The following MAGI1 variants were observed in gnomAD, a reference collection of about 807,000 sequenced individuals.
MAGI1 encodes the protein membrane-associated guanylate kinase, WW and PDZ domain-containing protein 1.
In MAGI1, 58 loss-of-function variants were observed where a neutral mutation model predicts 139.9. The observed-to-expected ratio is 0.41, with a 90% CI of 0.34 to 0.52. The LOEUF is 0.52. Among genes scored for constraint, MAGI1 ranks in the 20% least tolerant of loss-of-function variants. The pLI, the probability that MAGI1 is intolerant of heterozygous loss-of-function variation, is 0.12. For missense variants in MAGI1, 1,874 were observed against 1,901.6 expected, an observed-to-expected ratio of 0.99 and a Z score of 0.27; for synonymous variants, 812 against 737.9, an observed-to-expected ratio of 1.10 and a Z score of -1.63.
chr3:65,824,508 G>C (rs766844987), intron 1 of MAGI1, among the ~76,000 whole-genome samples: 4 of 152,202 alleles, frequency 2.6e-5, no homozygotes, highest in Non-Finnish European at 5.9e-5. Context: ...AACGGTGCTG[G>C]AGACCTTAAG....
At chr3:65,819,814 T>C (rs1034594377) in intron 1 of MAGI1, among the ~76,000 whole-genome samples, 1 of 129,698 alleles carries the variant, frequency 7.7e-6, no homozygotes, top group Non-Finnish European at 1.6e-5. Flanking sequence ...GAGGCAGAGG[T>C]TGTAGTGAGC....
At chr3:65,695,921 ACTTTC>A (rs2089143189) in intron 1 of MAGI1, among the ~76,000 whole-genome samples, 1 of 152,120 alleles carries the variant, frequency 6.6e-6, no homozygotes, top group Non-Finnish European at 1.5e-5. Context: ...CACCTAAGAT[ACTTTC>A]CTTGTTGCTA....
At chr3:65,427,123 G>A (rs1444188830) in intron 12 of MAGI1, among the ~76,000 whole-genome samples, 1 of 152,138 alleles carries the variant, frequency 6.6e-6, no homozygotes, top group African/African-American at 2.4e-5. Flanking sequence ...AGACCAGCAT[G>A]GGTAACATGG....
At chr3:65,975,070 G>A (rs2107216702) in intron 1 of MAGI1, among the ~76,000 whole-genome samples, 2 of 135,374 alleles carry the variant, frequency 1.5e-5, no homozygotes, top group South Asian at 5.1e-4. Context: ...ATGTTGCAAA[G>A]ATTAAAAGGG....
intron 2 of MAGI1, chr3:65,549,429 C>T: frequency 5.1e-6 from 5 of 985,338 alleles, no homozygotes; most frequent in Non-Finnish European, 6.0e-6. Flanking sequence ...GGAGCGGCCC[C>T]GGAGTTCGCC....
At chr3:65,530,640 T>C (rs1395038485) in intron 2 of MAGI1, among the ~76,000 whole-genome samples, 1 of 129,648 alleles carries the variant, frequency 7.7e-6, no homozygotes. Context: ...TGTGTGTGTG[T>C]GTGTGTGTGT....
chr3:65,826,017 TTA>T (rs552161195), intron 1 of MAGI1, among the ~76,000 whole-genome samples: 39 of 151,504 alleles, frequency 2.6e-4, no homozygotes, highest in South Asian at 1.5e-3. Flanking sequence ...TTTTTGAATT[TTA>T]TATATATATA....
intron 9 of MAGI1, among the ~76,000 whole-genome samples, chr3:65,438,978 A>G (rs1948044476): frequency 6.6e-6 from 1 of 152,200 alleles, no homozygotes; most frequent in Admixed American, 6.5e-5. Flanking sequence ...TATGGTTTAC[A>G]TTTGTTATAT....
chr3:65,784,636 C>A (rs561654165), intron 1 of MAGI1, among the ~76,000 whole-genome samples: 3 of 151,874 alleles, frequency 2.0e-5, no homozygotes, highest in Non-Finnish European at 4.4e-5. Context: ...ACCAAGAAGG[C>A]GGAGCTTGCA....
intron 1 of MAGI1, among the ~76,000 whole-genome samples, chr3:65,694,185 T>C (rs910949805): frequency 4.6e-5 from 7 of 152,214 alleles, no homozygotes; most frequent in African/African-American, 1.7e-4. Context: ...TCAGACTTCC[T>C]ACATTCTGTA....
At chr3:65,703,064 C>T (rs1054225847) in intron 1 of MAGI1, among the ~76,000 whole-genome samples, 1 of 152,086 alleles carries the variant, frequency 6.6e-6, no homozygotes, top group East Asian at 1.9e-4. Flanking sequence ...CCACCCTCCA[C>T]GTTCAGGAGC....
intron 1 of MAGI1, among the ~76,000 whole-genome samples, chr3:65,992,449 C>G (rs969786066): frequency 1.7e-5 from 1 of 59,068 alleles, no homozygotes; most frequent in Non-Finnish European, 3.9e-5. Context: ...AAAACCTGAG[C>G]AAAAAACAGT....
At chr3:65,596,148 G>A (rs1359985414) in intron 2 of MAGI1, among the ~76,000 whole-genome samples, 2 of 152,122 alleles carry the variant, frequency 1.3e-5, no homozygotes, top group African/African-American at 2.4e-5. Flanking sequence ...TTTTCAGAAA[G>A]TATGAGCCTT....
intron 1 of MAGI1, among the ~76,000 whole-genome samples, chr3:65,878,102 T>C (rs1341146767): frequency 6.7e-6 from 1 of 149,856 alleles, no homozygotes; most frequent in Non-Finnish European, 1.5e-5. Context: ...CAGAGTGAGG[T>C]TCTGTCTCAA....
At chr3:65,670,348 G>A (rs1268180859) in intron 1 of MAGI1, among the ~76,000 whole-genome samples, 2 of 149,968 alleles carry the variant, frequency 1.3e-5, no homozygotes, top group African/African-American at 2.5e-5. Context: ...TGCCATGTGT[G>A]TATATATATA....
At chr3:65,421,003 C>A (rs1262961118) in intron 12 of MAGI1, among the ~76,000 whole-genome samples, 1 of 152,080 alleles carries the variant, frequency 6.6e-6, no homozygotes, top group Admixed American at 6.6e-5. Context: ...AGTTTAAAAA[C>A]CATGAGATCA....
At chr3:65,445,025 T>C (rs896985661) in intron 7 of MAGI1, among the ~76,000 whole-genome samples, 1 of 152,172 alleles carries the variant, frequency 6.6e-6, no homozygotes, top group African/African-American at 2.4e-5. Context: ...AATATTTAAG[T>C]CCAGAATGAC....
At chr3:65,782,508 C>T (rs1694340756) in intron 1 of MAGI1, among the ~76,000 whole-genome samples, 1 of 146,238 alleles carries the variant, frequency 6.8e-6, no homozygotes, top group Non-Finnish European at 1.5e-5. Flanking sequence ...GTTACAGCAG[C>T]AAATAAGAAA....
Position 65,499,067 on chromosome 3 carries a change from A to C in MAGI1, c.431-5436T>G, listed in dbSNP as rs528685670. On this transcript the variant is annotated intron_variant, in intron 2 of 22. Transcript: ENST00000402939. ...ATAGAAGAAAACCGCTCTTAAAAAA[A>C]AAAAAACAAAAAACTCTCATATGCT... The C allele has an allele frequency of 6.1e-5, 60 of 981,754 alleles. No individual in the cohort carries two copies. In the African/African-American group the frequency reaches 9.1e-4, roughly 15 times the overall value. 60.8% of individuals were successfully genotyped at this position (981,754 alleles called of 1,614,324 possible). A position where few individuals can be genotyped will look rare whatever the true frequency, so the allele number is the denominator to read the frequency against.
Sources: gnomAD v4.1 joint callset for allele counts (sites outside exome capture counted in the v4.1 genomes callset) on GRCh38, gnomAD v4.1.1 for gene constraint, MANE v1.5 for transcripts, NCBI Gene and HGNC (gene_info 2026-07-23, HGNC 2026-07-21) for gene names.